The following VAT1L variants were observed in gnomAD, a reference collection of about 807,000 sequenced individuals.
The protein encoded by VAT1L is vesicle amine transport 1 like, also known as putative NADPH-dependent quinone oxidoreductase VAT1L.
Under a neutral mutation model 44.1 loss-of-function variants are expected in VAT1L, and 34 were observed. The observed-to-expected ratio is 0.77, with a 90% confidence interval of 0.59 to 1.03. VAT1L has a LOEUF of 1.03. VAT1L is among the 50% of genes least tolerant of loss of function. The pLI is 0.00. For missense variants in VAT1L, 615 were observed against 538.8 expected, an observed-to-expected ratio of 1.14 and a Z score of -1.40; for synonymous variants, 253 against 202.2, an observed-to-expected ratio of 1.25 and a Z score of -2.13.
At chr16:77,864,967 CTTTTTTTTTTT>C (rs869037679) in intron 4 of VAT1L, among the ~76,000 whole-genome samples, 3 of 95,380 alleles carry the variant, frequency 3.1e-5, no homozygotes, top group Admixed American at 2.6e-4. Context: ...TCTTCTTATC[CTTTTTTTTTTT>C]TTTTTTTTTT....
chr16:77,931,606 G>T (rs374693), intron 7 of VAT1L, among the ~76,000 whole-genome samples: 146,794 of 152,316 alleles, frequency 0.96, 70,871 homozygotes, highest in East Asian at 1. Flanking sequence ...TTCATCATAC[G>T]TTTTAAAAAG....
intron 5 of VAT1L, among the ~76,000 whole-genome samples, chr16:77,877,628 T>C (rs1233206828): frequency 6.6e-6 from 1 of 151,420 alleles, no homozygotes. Context: ...GTTTATCCAA[T>C]GTTTAAGATT....
At chr16:77,825,148 T>G in intron 2 of VAT1L, 98 bp from the exon 3 acceptor site, 3 of 1,339,258 alleles carry the variant, frequency 2.2e-6, no homozygotes, top group Non-Finnish European at 3.2e-6. Flanking sequence ...ATTATACGCA[T>G]GAGCCACAGC....
intron 7 of VAT1L, among the ~76,000 whole-genome samples, chr16:77,914,910 G>T (rs2017536529): frequency 6.6e-6 from 1 of 152,214 alleles, no homozygotes; most frequent in Admixed American, 6.5e-5. Context: ...CGGATCACCT[G>T]AGGTCGGGAG....
Position 77,879,099 on chromosome 16 carries a change from T to A in VAT1L, c.827-70T>A. ...AGTTCCGGACCAAACAATTGCCATT[T>A]TTTTCATGCATAACAAGAGATGTCC... is the stretch of plus-strand genomic sequence containing the variant. On this transcript the variant is annotated intron_variant, in intron 5 of 8. Transcript: ENST00000302536. This position sits in a 1 kb window ranked among gnomAD's most constrained non-coding sequence, Gnocchi z 4.1. 1 of 1,535,948 alleles carries A rather than the reference T, an allele frequency of 6.5e-7. No homozygotes were observed. The highest frequency in any genetic ancestry group is 2.3e-5 in the East Asian group (1 of 44,378).
chr16:77,858,802 C>A (rs950547597), intron 3 of VAT1L, among the ~76,000 whole-genome samples: 1 of 151,946 alleles, frequency 6.6e-6, no homozygotes, highest in African/African-American at 2.4e-5. Flanking sequence ...AATTCTAGAC[C>A]AGCCTGGGTA....
chr16:77,820,203 C>CACCTGGTCAGATTGAACTTTTACCT (rs2016427920), intron 2 of VAT1L, among the ~76,000 whole-genome samples: 1 of 152,172 alleles, frequency 6.6e-6, no homozygotes, highest in African/African-American at 2.4e-5. Context: ...TAGACTCCCG[C>CACCTGGTCAGATTGAACTTTTACCT]ACCTGGTCAG....
rs2018379201 is a variant in VAT1L, at chr16:77,979,685, C to T, written c.*1990C>T. ...TAAAAAGGCACTCTCCCCCACCACC[C>T]CTACCAAATCTGGGTTTGGTTTGGT... On this transcript the variant is annotated 3_prime_UTR_variant, in exon 9 of 9. Coordinates refer to ENST00000302536, the MANE Select transcript of VAT1L (RefSeq NM_020927.3). 1 of 152,326 alleles carries T rather than the reference C, an allele frequency of 6.6e-6. No individual in the cohort carries two copies. Among genetic ancestry groups the T allele is most frequent in the African/African-American group, 2.4e-5 (1 of 41,444 alleles). The allele number at this position is 152,326 out of a possible 1,614,324, so 9.4% of individuals were successfully genotyped here. A position where few individuals can be genotyped will look rare whatever the true frequency, so the allele number is the denominator to read the frequency against.
rs1009836292 is a variant in VAT1L at position 77,955,523 on chromosome 16, G to A, written c.1078-16327G>A. On this transcript the variant is annotated intron_variant, in intron 7 of 8. Transcript: ENST00000302536. ...GAAGATTGCTTGAGGTCAGGTGTTC[G>A]AGACCACCCTGGCCAATGTGATGAA... 6.6e-5 allele frequency among the ~76,000 whole-genome samples: 10 copies of A among 152,156 alleles called. 1 individual carries two copies. Among genetic ancestry groups the A allele is most frequent in the South Asian group, 2.1e-4 (1 of 4,828 alleles).
At position 77,825,976 on chromosome 16, in the gene VAT1L, T is replaced by C. The variant is rs182184111; in HGVS notation, c.579+515T>C. Among the ~76,000 whole-genome samples, 96 of 138,244 alleles carry C rather than the reference T, an allele frequency of 6.9e-4. No individual in the cohort carries two copies. The Middle Eastern group carries it at 0.034, about 49-fold the overall frequency. The allele number at this position is 138,244 out of a possible 152,430, so 90.7% of individuals were successfully genotyped here. A position where few individuals can be genotyped will look rare whatever the true frequency, so the allele number is the denominator to read the frequency against. On this transcript the variant is annotated intron_variant, in intron 3 of 8. Coordinates refer to ENST00000302536, the MANE Select transcript of VAT1L (RefSeq NM_020927.3). ...AGGCAGAGCTTGCAGTGAGCCGAGA[T>C]TGCGCCACTGCACTCCAGCCTGGGC...
intron 1 of VAT1L, among the ~76,000 whole-genome samples, chr16:77,803,056 T>G (rs537451356): frequency 3.3e-5 from 5 of 152,264 alleles, no homozygotes; most frequent in African/African-American, 1.2e-4. Flanking sequence ...CAGAAATTAT[T>G]GTTTGCCAGC....
chr16:77,950,623 A>T (rs1252238180), intron 7 of VAT1L, among the ~76,000 whole-genome samples: 2 of 152,196 alleles, frequency 1.3e-5, no homozygotes, highest in African/African-American at 4.8e-5. Flanking sequence ...GAGAAATGGG[A>T]AGCAGTGATC....
intron 7 of VAT1L, among the ~76,000 whole-genome samples, chr16:77,958,846 G>C (rs961439610): frequency 1.3e-5 from 2 of 152,250 alleles, no homozygotes; most frequent in African/African-American, 4.8e-5. Flanking sequence ...TCTGTCTCTT[G>C]TAAGCCAGTG....
At chr16:77,804,563 C>T (rs1047881067) in intron 1 of VAT1L, among the ~76,000 whole-genome samples, 2 of 152,148 alleles carry the variant, frequency 1.3e-5, no homozygotes, top group Non-Finnish European at 2.9e-5. Context: ...ACAACTGTAT[C>T]CCAAGCTATA....
intron 1 of VAT1L, among the ~76,000 whole-genome samples, chr16:77,792,721 G>A (rs988434829): frequency 1.3e-5 from 2 of 152,180 alleles, no homozygotes; most frequent in African/African-American, 4.8e-5. Flanking sequence ...CCATAGACAG[G>A]ATCTGGGTGA....
chr16:77,837,757 A>G (rs957281785), intron 3 of VAT1L, among the ~76,000 whole-genome samples: 1 of 152,320 alleles, frequency 6.6e-6, no homozygotes, highest in African/African-American at 2.4e-5. Context: ...TTCTTCCTCT[A>G]TAAAGAACAG....
chr16:77,808,680 C>T lies in VAT1L; in HGVS notation c.234-8241C>T, dbSNP rs552500598. ...GCGCAATCTTAGCACACCACAACCT[C>T]CACCTACCGGGTTCAAGCAATTCTC... On this transcript the variant is annotated intron_variant, in intron 1 of 8. Transcript: ENST00000302536. Among the ~76,000 whole-genome samples the T allele has an allele frequency of 5.3e-4, 80 of 152,252 alleles. 2 individuals carry two copies. Among genetic ancestry groups the T allele is most frequent in the Non-Finnish European group, 5.9e-4 (40 of 68,020 alleles).
In VAT1L at chr16:77,884,704, CG is replaced by C; in HGVS notation, c.982del (p.Ala328ArgfsTer12). 6 of 1,611,424 alleles carry C rather than the reference CG, an allele frequency of 3.7e-6. No homozygotes were observed. Among genetic ancestry groups the C allele is most frequent in the Non-Finnish European group, 5.1e-6 (6 of 1,178,812 alleles). On this transcript the variant is annotated frameshift_variant, in exon 7 of 9. Transcript: ENST00000302536. LOFTEE classifies it high-confidence loss of function. This position sits in a 1 kb window ranked among gnomAD's most constrained non-coding sequence, Gnocchi z 4.5. ...SLLNLLFKQG[R>X]AGLIRGVVEK... is the part of the protein sequence containing the mutation. ...TTTAAATCTGCTCTTCAAACAAGGC[CG>C]GGCGGGCCTCATTCGGGGAGTGGTG...
rs953647181 is a variant in VAT1L, at chr16:77,975,304, G to C, written c.1162-2293G>C. On this transcript the variant is annotated intron_variant, in intron 8 of 8. Coordinates refer to ENST00000302536, the MANE Select transcript of VAT1L (RefSeq NM_020927.3). ...AGCTCACTGCAACCTTCGCCTTCCG[G>C]GTTCAAGTAATTCTCATGCCACAGC... Among the ~76,000 whole-genome samples, 11 of 142,998 alleles carry C rather than the reference G, an allele frequency of 7.7e-5. No homozygotes were observed. In the Admixed American group the frequency reaches 8.2e-4, roughly 11 times the overall value. The allele number at this position is 142,998 out of a possible 152,430, so 93.8% of individuals were successfully genotyped here. A position where few individuals can be genotyped will look rare whatever the true frequency, so the allele number is the denominator to read the frequency against.
Sources: allele counts gnomAD v4.1 joint callset (sites outside exome capture counted in the v4.1 genomes callset), GRCh38; gene constraint gnomAD v4.1.1; non-coding constraint Gnocchi (gnomAD v3.1); transcripts MANE v1.5; gene names NCBI Gene and HGNC (gene_info 2026-07-23, HGNC 2026-07-21).